The following SLC43A2 variants were observed in gnomAD, a reference collection of about 807,000 sequenced individuals.
The protein encoded by SLC43A2 is large neutral amino acids transporter small subunit 4.
SLC43A2 carries 38 observed loss-of-function variants against 63.2 expected under a neutral mutation model. That is an observed-to-expected ratio of 0.60 (90% CI 0.46 to 0.79). The LOEUF is 0.79. Ranked by LOEUF, SLC43A2 falls within the 30% of genes least tolerant of loss-of-function variation. The pLI is 0.00. For synonymous variants in SLC43A2, 322 were observed against 331.0 expected, an observed-to-expected ratio of 0.97 and a Z score of 0.30; for missense variants, 644 against 756.2, an observed-to-expected ratio of 0.85 and a Z score of 1.74.
intron 5 of SLC43A2, among the ~76,000 whole-genome samples, chr17:1,603,808 A>T (rs1906312932): frequency 6.6e-6 from 1 of 152,070 alleles, no homozygotes; most frequent in South Asian, 2.1e-4. Flanking sequence ...AAAACAAAAC[A>T]AAACAAAAAC....
intron 9 of SLC43A2, among the ~76,000 whole-genome samples, chr17:1,587,588 C>G (rs1388628113): frequency 6.6e-6 from 1 of 152,210 alleles, no homozygotes; most frequent in African/African-American, 2.4e-5. Context: ...GTGGAATGTC[C>G]TGGTCTAGAG....
intron 1 of SLC43A2, 30 bp from the exon 2 acceptor site, chr17:1,627,950 G>A (rs1489986362): frequency 2.7e-5 from 37 of 1,353,250 alleles, no homozygotes; most frequent in Non-Finnish European, 3.2e-5. Context: ...TCAGCGGCCG[G>A]CCCTTGCCCA....
chr17:1,592,169 C>T (rs1023234168), intron 6 of SLC43A2, among the ~76,000 whole-genome samples: 1 of 152,236 alleles, frequency 6.6e-6, no homozygotes, highest in Non-Finnish European at 1.5e-5. Flanking sequence ...TGGCTCACGC[C>T]TGTAATCCCA....
Position 1,610,926 on chromosome 17 carries a change from C to T in SLC43A2, c.501+2269G>A, listed in dbSNP as rs545677524. ...CGCGATCTCGGCTCACTGCAAACTCCGCCTCCCGGCCTCAAGCGATTCTCC... is the reference window on the plus strand; with the variant it reads ...CGCGATCTCGGCTCACTGCAAACTCTGCCTCCCGGCCTCAAGCGATTCTCC... On this transcript the variant is annotated intron_variant, in intron 5 of 13. Transcript: ENST00000301335. Among the ~76,000 whole-genome samples the T allele has an allele frequency of 2.5e-4, 38 of 151,386 alleles. No individual in the cohort carries two copies. In the South Asian group the frequency reaches 5.9e-3, roughly 23 times the overall value.
Position 1,591,590 on chromosome 17 carries a change from G to A in SLC43A2, c.704C>T (p.Pro235Leu), listed in dbSNP as rs1205221943. Residue 235 changes from proline (P) to leucine (L), a missense_variant, in exon 7 of 14, where the codon CCG (proline) becomes CTG (leucine). Pro to Leu is a moderately conservative substitution (Grantham distance 98, BLOSUM62 -3). This residue lies in a region of SLC43A2 where 528 missense variants were observed against 623.6 expected (regional missense o/e 0.85). Coordinates refer to ENST00000301335, the MANE Select transcript of SLC43A2 (RefSeq NM_152346.3). Reference protein sequence around the residue: ...CFFNWPLEPFPGPEDMDYSVK... With the variant: ...CFFNWPLEPFLGPEDMDYSVK... ...CGAGTAGTCCATGTCCTCCGGCCCC[G>A]GGAAGGGCTCAAGGGGCCAGTTAAA... 27 of 1,549,780 alleles carry A rather than the reference G, an allele frequency of 1.7e-5. No homozygotes were observed. Among genetic ancestry groups the A allele is most frequent in the Admixed American group, 7.8e-5 (4 of 51,022 alleles).
intron 11 of SLC43A2, among the ~76,000 whole-genome samples, chr17:1,582,178 C>G (rs977326440): frequency 3.3e-5 from 5 of 151,822 alleles, no homozygotes; most frequent in Admixed American, 6.6e-5. Context: ...CTCCCAGGTT[C>G]AAATGATTCT....
intron 5 of SLC43A2, among the ~76,000 whole-genome samples, chr17:1,598,722 G>A (rs1272282416): frequency 1.3e-5 from 2 of 152,164 alleles, no homozygotes; most frequent in Non-Finnish European, 2.9e-5. Context: ...TGACCATGTG[G>A]CCCTGCCTGG....
intron 5 of SLC43A2, chr17:1,603,327 G>A (rs1906253326): frequency 1.3e-5 from 2 of 152,026 alleles, no homozygotes; most frequent in Admixed American, 1.3e-4. Context: ...ATTCTGTTGT[G>A]ACCACACATT....
chr17:1,589,538 CA>C (rs1351468856), intron 9 of SLC43A2, among the ~76,000 whole-genome samples: 1 of 152,146 alleles, frequency 6.6e-6, no homozygotes, highest in Non-Finnish European at 1.5e-5. Flanking sequence ...CCAGCCTAAG[CA>C]ACGCAGAAAG....
intron 5 of SLC43A2, among the ~76,000 whole-genome samples, chr17:1,610,379 C>T (rs1451423183): frequency 6.6e-6 from 1 of 150,632 alleles, no homozygotes; most frequent in Non-Finnish European, 1.5e-5. Flanking sequence ...CCTCCCACCT[C>T]AGCCTCCCGA....
In SLC43A2 at chr17:1,583,324, T is replaced by G. The variant is rs1282736934; in HGVS notation, c.1230A>C (p.Lys410Asn). ...EEKDANQGEK[K>N]KKKRDRQIQK... ...GGATCTGCCGGTCCCGCTTCTTCTTTTTCTTCTCGCCTCTGTGGAGACACA... is the reference window on the plus strand; with the variant it reads ...GGATCTGCCGGTCCCGCTTCTTCTTGTTCTTCTCGCCTCTGTGGAGACACA... Residue 410 changes from lysine to asparagine, a missense_variant, in exon 11 of 14, where the codon AAA becomes AAC. Physicochemically the swap from Lys to Asn is moderately conservative, Grantham distance 94 (BLOSUM62 0). Coordinates refer to ENST00000301335, the MANE Select transcript of SLC43A2 (RefSeq NM_152346.3). This position sits in a 1 kb window ranked among gnomAD's most constrained non-coding sequence, Gnocchi z 5.5. 6.2e-7 allele frequency: 1 copy of G among 1,614,026 alleles called. No individual in the cohort carries two copies. The highest frequency in any genetic ancestry group is 8.5e-7 in the Non-Finnish European group (1 of 1,180,016).
chr17:1,627,686 C>CG lies in SLC43A2; in HGVS notation c.160+28_160+29insC, dbSNP rs765519776. 2.5e-5 allele frequency: 30 copies of CG among 1,212,136 alleles called. 1 individual carries two copies. The highest frequency in any genetic ancestry group is 5.9e-5 in the African/African-American group (2 of 33,768). 75.1% of individuals were successfully genotyped at this position (1,212,136 alleles called of 1,614,324 possible). A position where few individuals can be genotyped will look rare whatever the true frequency, so the allele number is the denominator to read the frequency against. On this transcript the variant is annotated intron_variant, in intron 2 of 13. Coordinates refer to ENST00000301335, the MANE Select transcript of SLC43A2 (RefSeq NM_152346.3). The stretch of plus-strand genomic sequence containing the variant: ...CCTCCCAAAGCCCCAGCTCCAGGAG[C>CG]CCCCCGCAACCCCAGGCGCTTGTCT...
chr17:1,579,410 G>A (rs1309305185), intron 11 of SLC43A2, among the ~76,000 whole-genome samples: 7 of 150,588 alleles, frequency 4.6e-5, no homozygotes, highest in Middle Eastern at 3.4e-3. Context: ...GCGGTGAGCC[G>A]AGATAGCACC....
intron 13 of SLC43A2, 74 bp from the exon 14 acceptor site, chr17:1,575,839 G>T: frequency 6.7e-7 from 1 of 1,491,632 alleles, no homozygotes; most frequent in East Asian, 2.4e-5. Flanking sequence ...CTCCACTCGG[G>T]TTTGGGAAAG....
intron 4 of SLC43A2, among the ~76,000 whole-genome samples, chr17:1,614,251 C>CA (rs1285917596): frequency 1.3e-5 from 2 of 150,804 alleles, no homozygotes; most frequent in Middle Eastern, 3.4e-3. Context: ...TCAACAACAA[C>CA]AACAAAAAAA....
chr17:1,585,716 A>C, intron 10 of SLC43A2, 197 bp downstream of exon 10: 1 of 1,526,270 alleles, frequency 6.6e-7, no homozygotes, highest in Non-Finnish European at 8.8e-7. Context: ...ATTGCATTCC[A>C]AACAATTTCC....
At chr17:1,609,042 G>A (rs1369943067) in intron 5 of SLC43A2, among the ~76,000 whole-genome samples, 1 of 152,034 alleles carries the variant, frequency 6.6e-6, no homozygotes, top group Non-Finnish European at 1.5e-5. Context: ...CCAATAAAGA[G>A]GAGAAAAAAT....
chr17:1,611,312 G>A (rs767332197), intron 5 of SLC43A2, among the ~76,000 whole-genome samples: 1 of 152,144 alleles, frequency 6.6e-6, no homozygotes, highest in Non-Finnish European at 1.5e-5. Context: ...GGTGAGGCCA[G>A]GTTTTTAGTT....
chr17:1,603,513 G>T (rs12950544), intron 5 of SLC43A2, among the ~76,000 whole-genome samples: 6 of 151,848 alleles, frequency 4.0e-5, no homozygotes, highest in African/African-American at 1.5e-4. Flanking sequence ...GGCCGGGCGC[G>T]GTGGCTCACA....
Sources: allele counts gnomAD v4.1 joint callset (sites outside exome capture counted in the v4.1 genomes callset), GRCh38; gene constraint gnomAD v4.1.1; regional missense constraint gnomAD v4.1.1; non-coding constraint Gnocchi (gnomAD v3.1); transcripts MANE v1.5; gene names NCBI Gene and HGNC (gene_info 2026-07-23, HGNC 2026-07-21).